The following PRDM16 variants were observed in gnomAD, a reference collection of about 807,000 sequenced individuals.
PRDM16 encodes the protein histone-lysine N-methyltransferase PRDM16.
Under a neutral mutation model 110.6 loss-of-function variants are expected in PRDM16, and 23 were observed. That is an observed-to-expected ratio of 0.21 (90% CI 0.15 to 0.29). The LOEUF (loss-of-function observed/expected upper bound fraction) is 0.29, where lower values mean the gene tolerates loss of function less well. PRDM16 is among the 10% of genes least tolerant of loss of function. PRDM16 has a pLI of 1.00. For missense variants in PRDM16, 1,615 were observed against 1,794.3 expected (o/e 0.90, Z 1.81); for synonymous variants, 799 against 781.8 (o/e 1.02, Z -0.37).
chr1:3,410,472 G>A (rs1214531783), intron 8 of PRDM16, among the ~76,000 whole-genome samples: 1 of 152,172 alleles, frequency 6.6e-6, no homozygotes. Flanking sequence ...CCTGCCCGGG[G>A]TGACCTCCTA....
chr1:3,344,312 T>TA (rs925740676), intron 3 of PRDM16, among the ~76,000 whole-genome samples: 14 of 149,332 alleles, frequency 9.4e-5, no homozygotes, highest in Non-Finnish European at 1.2e-4. Context: ...AGATCCCATC[T>TA]AAAAAAAAAA....
chr1:3,370,736 C>T lies in PRDM16; in HGVS notation c.439-14416C>T, dbSNP rs1435531768. Among the ~76,000 whole-genome samples, 1 of 152,168 alleles carries T rather than the reference C, an allele frequency of 6.6e-6. No homozygotes were observed. The highest frequency in any genetic ancestry group is 2.4e-5 in the African/African-American group (1 of 41,430). ...TGGTGTTCCCTTGTGTCTCACCATA[C>T]GAAGTTGGGGAAGCCATAAGTGTCT... On this transcript the variant is annotated intron_variant, in intron 3 of 16. Transcript: ENST00000270722. This position sits in a 1 kb window ranked among gnomAD's most constrained non-coding sequence, Gnocchi z 4.8.
At chr1:3,210,431 A>C (rs535326295) in intron 2 of PRDM16, among the ~76,000 whole-genome samples, 32 of 152,360 alleles carry the variant, frequency 2.1e-4, no homozygotes, top group Admixed American at 1.3e-3. Context: ...CCCAGCTGGA[A>C]CCACAGCTGC....
At chr1:3,258,749 C>G (rs1165832341) in intron 3 of PRDM16, among the ~76,000 whole-genome samples, 1 of 152,234 alleles carries the variant, frequency 6.6e-6, no homozygotes, top group Non-Finnish European at 1.5e-5. Context: ...AAAAAAGCAT[C>G]CACTGTAGCC....
At chr1:3,311,278 C>T (rs558020138) in intron 3 of PRDM16, among the ~76,000 whole-genome samples, 19 of 152,336 alleles carry the variant, frequency 1.2e-4, no homozygotes, top group African/African-American at 4.3e-4. Context: ...CGGTGGGCCT[C>T]GGCTCACTCT....
At chr1:3,381,784 G>A (rs989697310) in intron 3 of PRDM16, among the ~76,000 whole-genome samples, 5 of 152,200 alleles carry the variant, frequency 3.3e-5, no homozygotes, top group African/African-American at 1.2e-4. Flanking sequence ...CCTGGCCCCT[G>A]TACCATATAT....
At chr1:3,240,949 G>A (rs1557551616) in intron 2 of PRDM16, among the ~76,000 whole-genome samples, 1 of 152,382 alleles carries the variant, frequency 6.6e-6, no homozygotes, top group South Asian at 2.1e-4. Context: ...CTTCTGCCGG[G>A]GTGCGGGGAG....
intron 8 of PRDM16, among the ~76,000 whole-genome samples, chr1:3,410,557 T>A (rs1409416840): frequency 6.6e-6 from 1 of 152,078 alleles, no homozygotes; most frequent in African/African-American, 2.4e-5. Flanking sequence ...GATCCCCGAG[T>A]TGGGGCCTCC....
At chr1:3,312,585 G>A (rs779310332) in intron 3 of PRDM16, among the ~76,000 whole-genome samples, 44 of 152,362 alleles carry the variant, frequency 2.9e-4, no homozygotes, top group Non-Finnish European at 5.3e-4. Context: ...TCCCGGGATG[G>A]GTTGGGAGTT....
rs201439415 is a variant in PRDM16, at chr1:3,426,224, C to T, written c.3283C>T (p.Arg1095Trp). ...MNQASTRTEK[R>W]ADMQIVDGSA... ...CCAAGCATCAACGCGAACAGAGAAA[C>T]GGTAAGAAAACTATCGCGGGCTGGG... is the stretch of plus-strand genomic sequence containing the variant. The change falls in exon 14 of 17, where the codon CGG becomes TGG. Residue 1095 changes from arginine (R) to tryptophan (W), a missense_variant and splice_region_variant. Arg to Trp is a moderately radical substitution (Grantham distance 101, BLOSUM62 -3). Coordinates refer to ENST00000270722, the MANE Select transcript of PRDM16 (RefSeq NM_022114.4). 327 of 1,612,042 alleles carry T rather than the reference C, an allele frequency of 2.0e-4. 1 individual carries two copies. Among genetic ancestry groups the T allele is most frequent in the Non-Finnish European group, 2.4e-4 (279 of 1,178,672 alleles).
chr1:3,227,511 C>T (rs1218294342), intron 2 of PRDM16, among the ~76,000 whole-genome samples: 1 of 152,224 alleles, frequency 6.6e-6, no homozygotes, highest in Non-Finnish European at 1.5e-5. Context: ...TGCGTAAGGC[C>T]GGCGGGACCG....
At position 3,303,724 on chromosome 1, in the gene PRDM16, C is replaced by T. The variant is rs1203553433; in HGVS notation, c.438+59587C>T. Among the ~76,000 whole-genome samples the T allele has an allele frequency of 3.3e-5, 5 of 152,380 alleles. No homozygotes were observed. The East Asian group carries it at 9.6e-4, about 29-fold the overall frequency. On this transcript the variant is annotated intron_variant, in intron 3 of 16. Coordinates refer to ENST00000270722, the MANE Select transcript of PRDM16 (RefSeq NM_022114.4). ...TTCCCCACATCCTTGCAGACGCCCG[C>T]CTGTCTTTCGGACCGCAGCCATCCT...
At chr1:3,414,506 C>T in intron 9 of PRDM16, 54 bp from the exon 10 acceptor site, 1 of 1,432,376 alleles carries the variant, frequency 7.0e-7, no homozygotes, top group Non-Finnish European at 9.7e-7. Flanking sequence ...GAGCGGGTGG[C>T]TCGGCGGGGC....
rs140701142 is a variant in PRDM16, at chr1:3,369,789, G to A, written c.439-15363G>A. Among the ~76,000 whole-genome samples, 26 of 152,378 alleles carry A rather than the reference G, an allele frequency of 1.7e-4. No individual in the cohort carries two copies. In the East Asian group the frequency reaches 4.2e-3, roughly 25 times the overall value. On this transcript the variant is annotated intron_variant, in intron 3 of 16. Coordinates refer to ENST00000270722, the MANE Select transcript of PRDM16 (RefSeq NM_022114.4). The stretch of plus-strand genomic sequence containing the variant: ...GAAACCAGAGTTGGCTATTTGCAGG[G>A]CATCCAAAGACAACATTGTCTGCAC...
intron 1 of PRDM16, among the ~76,000 whole-genome samples, chr1:3,087,769 GT>G (rs1642184085): frequency 6.6e-6 from 1 of 152,024 alleles, no homozygotes; most frequent in African/African-American, 2.4e-5. Flanking sequence ...GTACCATATT[GT>G]TTCCATTTTT....
chr1:3,069,258 C>A lies in PRDM16; in HGVS notation c.-2C>A, dbSNP rs1206469760. ...AGGAGAGAGATTCCGCGAGCCGACA[C>A]CATGCGATCCAAGGCGAGGGCGAGG... On this transcript the variant is annotated 5_prime_UTR_variant, in exon 1 of 17. Transcript: ENST00000270722. The surrounding 1 kb of genome is among the most constrained non-coding windows in gnomAD (Gnocchi z 6.1). 6.3e-7 allele frequency: 1 copy of A among 1,575,148 alleles called. No individual in the cohort carries two copies. Among genetic ancestry groups the A allele is most frequent in the East Asian group, 2.5e-5 (1 of 40,268 alleles).
chr1:3,287,133 G>A (rs1640863069), intron 3 of PRDM16, among the ~76,000 whole-genome samples: 1 of 152,246 alleles, frequency 6.6e-6, no homozygotes, highest in South Asian at 2.1e-4. Context: ...TGGGGCGGCA[G>A]CATGGACGCT....
chr1:3,423,705 C>T (rs4648385), intron 12 of PRDM16, among the ~76,000 whole-genome samples: 119,110 of 152,110 alleles, frequency 0.78, 47,975 homozygotes, highest in Non-Finnish European at 0.88. Flanking sequence ...CACACCCACT[C>T]CGGGTGAACA....
In PRDM16 at chr1:3,359,039, A is replaced by G. The variant is rs779115830; in HGVS notation, c.439-26113A>G. On this transcript the variant is annotated intron_variant, in intron 3 of 16. Transcript: ENST00000270722. The surrounding 1 kb of genome is among the most constrained non-coding windows in gnomAD (Gnocchi z 4.3). ...CCTCACTGGCCAACTAGAGTCTTCAAATCAACCAATGTCCATTATTTGGAG... is the reference window on the plus strand; with the variant it reads ...CCTCACTGGCCAACTAGAGTCTTCAGATCAACCAATGTCCATTATTTGGAG... Among the ~76,000 whole-genome samples, 6 of 152,274 alleles carry G rather than the reference A, an allele frequency of 3.9e-5. No homozygotes were observed. Among genetic ancestry groups the G allele is most frequent in the Middle Eastern group, 6.8e-3 (2 of 294 alleles).
Sources: gnomAD v4.1 joint callset for allele counts (sites outside exome capture counted in the v4.1 genomes callset) on GRCh38, gnomAD v4.1.1 for gene constraint, Gnocchi (gnomAD v3.1) non-coding constraint, MANE v1.5 for transcripts, NCBI Gene and HGNC (gene_info 2026-07-23, HGNC 2026-07-21) for gene names.